The following L3MBTL2 variants were observed in gnomAD, a reference collection of about 807,000 sequenced individuals.
L3MBTL2 encodes the protein lethal(3)malignant brain tumor-like protein 2.
L3MBTL2 carries 49 observed loss-of-function variants against 86.4 expected under a neutral mutation model. The observed-to-expected ratio is 0.57, with a 90% CI of 0.45 to 0.72. The LOEUF (loss-of-function observed/expected upper bound fraction) is 0.72, where lower values mean the gene tolerates loss of function less well. Among genes scored for constraint, L3MBTL2 ranks in the 30% least tolerant of loss-of-function variants. The pLI is 0.00. For synonymous variants in L3MBTL2, 336 were observed against 350.6 expected (o/e 0.96, Z 0.47); for missense variants, 755 against 923.7 (o/e 0.82, Z 2.37).
At chr22:41,221,415 G>C in intron 8 of L3MBTL2, 128 bp downstream of exon 8, 1 of 815,676 alleles carries the variant, frequency 1.2e-6, no homozygotes, top group Non-Finnish European at 2.0e-6. Flanking sequence ...TCCACATTTT[G>C]CAAGGCTAGA....
In L3MBTL2 at chr22:41,224,676, C is replaced by A; in HGVS notation, c.1175-49C>A. The A allele has an allele frequency of 6.9e-7, 1 of 1,442,860 alleles. No individual in the cohort carries two copies. Among genetic ancestry groups the A allele is most frequent in the South Asian group, 1.1e-5 (1 of 87,178 alleles). 89.4% of individuals were successfully genotyped at this position (1,442,860 alleles called of 1,614,324 possible). A position where few individuals can be genotyped will look rare whatever the true frequency, so the allele number is the denominator to read the frequency against. On this transcript the variant is annotated intron_variant, in intron 9 of 16. Transcript: ENST00000216237. This position sits in a 1 kb window ranked among gnomAD's most constrained non-coding sequence, Gnocchi z 4.9. ...AGGCGTGTGGAGATGGCCCAGGAGC[C>A]GCCTCCAACTCCCTTCTCTCCCTCA...
In L3MBTL2 at chr22:41,213,363, T is replaced by C. The variant is rs555229321; in HGVS notation, c.263-530T>C. Reference sequence around the variant, plus strand: ...TTTTTGAGACAGTGTCTTACTTTGTTGCCCAGGCTAGAGGTACAGTGGTGC... The same window carrying C: ...TTTTTGAGACAGTGTCTTACTTTGTCGCCCAGGCTAGAGGTACAGTGGTGC... On this transcript the variant is annotated intron_variant, in intron 2 of 16. Transcript: ENST00000216237. Among the ~76,000 whole-genome samples, 5 of 148,536 alleles carry C rather than the reference T, an allele frequency of 3.4e-5. No homozygotes were observed. In the East Asian group the frequency reaches 7.7e-4, roughly 23 times the overall value.
intron 8 of L3MBTL2, chr22:41,221,509 C>G (rs994994246): frequency 5.4e-6 from 3 of 554,912 alleles, no homozygotes; most frequent in Non-Finnish European, 6.5e-6. Flanking sequence ...GCTCCTACTG[C>G]TCCAGTCATG....
rs2145607182 is a variant in L3MBTL2 at position 41,224,468 on chromosome 22, A to G, written c.1174+217A>G. Among the ~76,000 whole-genome samples, 1 of 152,312 alleles carries G rather than the reference A, an allele frequency of 6.6e-6. No individual in the cohort carries two copies. Among genetic ancestry groups the G allele is most frequent in the South Asian group, 2.1e-4 (1 of 4,830 alleles). The stretch of plus-strand genomic sequence containing the variant: ...TCAAGATTTGAACCCAGATGCTACC[A>G]GCCCCGATCCTCTCCCCTGTCAATG... On this transcript the variant is annotated intron_variant, in intron 9 of 16. Coordinates refer to ENST00000216237, the MANE Select transcript of L3MBTL2 (RefSeq NM_031488.5). The surrounding 1 kb of genome is among the most constrained non-coding windows in gnomAD (Gnocchi z 4.9).
intron 1 of L3MBTL2, 45 bp from the exon 2 acceptor site, chr22:41,209,651 G>A (rs2030551976): frequency 2.5e-6 from 4 of 1,573,718 alleles, no homozygotes; most frequent in Non-Finnish European, 3.5e-6. Flanking sequence ...GTGCACTAAA[G>A]CCAATCATAA....
At chr22:41,219,565 G>T (rs1286512609) in intron 6 of L3MBTL2, 29 bp downstream of exon 6, 1 of 1,423,502 alleles carries the variant, frequency 7.0e-7, no homozygotes, top group Non-Finnish European at 9.9e-7. Context: ...CAGGGCCAGG[G>T]ATGTGTCTGC....
In L3MBTL2 at chr22:41,205,445, G is replaced by A; in HGVS notation, c.24+59G>A. The A allele has an allele frequency of 6.2e-6, 10 of 1,603,150 alleles. No homozygotes were observed. The South Asian group carries it at 1.1e-4, about 18-fold the overall frequency. ...GGGAACTCCGAGAGCCTCGCTCCGT[G>A]GGCCCTTCTTTAGGGCTTTTAGCGA... On this transcript the variant is annotated intron_variant, in intron 1 of 16. Transcript: ENST00000216237.
intron 8 of L3MBTL2, among the ~76,000 whole-genome samples, chr22:41,222,238 A>G (rs2031876913): frequency 6.6e-6 from 1 of 152,204 alleles, no homozygotes; most frequent in Non-Finnish European, 1.5e-5. Flanking sequence ...TGGGAATACA[A>G]AGAATACAGA....
intron 8 of L3MBTL2, among the ~76,000 whole-genome samples, chr22:41,222,706 G>A (rs1486585405): frequency 6.6e-6 from 1 of 152,050 alleles, no homozygotes; most frequent in East Asian, 1.9e-4. Flanking sequence ...GATCACCTGA[G>A]GGCAGGAGTT....
At chr22:41,221,108 T>C in intron 7 of L3MBTL2, 91 bp from the exon 8 acceptor site, 1 of 1,196,884 alleles carries the variant, frequency 8.4e-7, no homozygotes, top group Admixed American at 2.4e-5. Flanking sequence ...TCCCCACTGC[T>C]GAGGGGTCCC....
chr22:41,214,801 A>C (rs1288673691), intron 3 of L3MBTL2: 1 of 152,240 alleles, frequency 6.6e-6, no homozygotes. Flanking sequence ...TCACGAGGTC[A>C]GGAGATCGAG....
At chr22:41,220,900 C>G (rs1388473812) in intron 7 of L3MBTL2, 32 bp downstream of exon 7, 14 of 1,597,250 alleles carry the variant, frequency 8.8e-6, no homozygotes, top group African/African-American at 1.3e-5. Flanking sequence ...CTCTCTTGTT[C>G]CCGTAGGGCC....
At position 41,212,259 on chromosome 22, in the gene L3MBTL2, A is replaced by G. The variant is rs539790650; in HGVS notation, c.263-1634A>G. 5.9e-5 allele frequency among the ~76,000 whole-genome samples: 9 copies of G among 152,066 alleles called. No individual in the cohort carries two copies. In the South Asian group the frequency reaches 1.9e-3, roughly 32 times the overall value. On this transcript the variant is annotated intron_variant, in intron 2 of 16. Transcript: ENST00000216237. ...CCAGCCCTTCTCTTAGAATCTTAGG[A>G]TTTAGAACTAGAAGGAACCATTAGA... is the stretch of plus-strand genomic sequence containing the variant.
Position 41,227,030 on chromosome 22 carries a change from C to T in L3MBTL2, c.1588-59C>T. 6.8e-7 allele frequency: 1 copy of T among 1,471,450 alleles called. No individual in the cohort carries two copies. The highest frequency in any genetic ancestry group is 1.2e-5 in the South Asian group (1 of 82,372). 91.1% of individuals were successfully genotyped at this position (1,471,450 alleles called of 1,614,324 possible). On this transcript the variant is annotated intron_variant, in intron 13 of 16. Coordinates refer to ENST00000216237, the MANE Select transcript of L3MBTL2 (RefSeq NM_031488.5). The surrounding 1 kb of genome is among the most constrained non-coding windows in gnomAD (Gnocchi z 6.0). ...TTCTTCAAGTGCCTCCGGGCCGGGGCAAGCCTGCTGGGGTAGGGAGCTGAC... is the reference window on the plus strand; with the variant it reads ...TTCTTCAAGTGCCTCCGGGCCGGGGTAAGCCTGCTGGGGTAGGGAGCTGAC...
intron 2 of L3MBTL2, 175 bp from the exon 3 acceptor site, chr22:41,213,718 G>A (rs2031109241): frequency 3.1e-6 from 2 of 645,284 alleles, no homozygotes; most frequent in Admixed American, 5.2e-5. Context: ...ACTTCATTCA[G>A]GTAGATTCAG....
chr22:41,225,969 G>C lies in L3MBTL2; in HGVS notation c.1504+28G>C. 1 of 1,610,332 alleles carries C rather than the reference G, an allele frequency of 6.2e-7. No homozygotes were observed. Among genetic ancestry groups the C allele is most frequent in the East Asian group, 2.2e-5 (1 of 44,822 alleles). On this transcript the variant is annotated intron_variant, in intron 12 of 16. Transcript: ENST00000216237. The surrounding 1 kb of genome is among the most constrained non-coding windows in gnomAD (Gnocchi z 4.1). ...AAGACTAGAGAGGCCACCACCTGCT[G>C]TCCTTGCCATCAGAAGGGGCAGGGT...
At chr22:41,206,553 C>A (rs922505454) in intron 1 of L3MBTL2, among the ~76,000 whole-genome samples, 2 of 151,996 alleles carry the variant, frequency 1.3e-5, no homozygotes, top group African/African-American at 4.8e-5. Context: ...AATCCCAGCA[C>A]TTTGGGAGGC....
At chr22:41,230,030 A>C (rs1450445031) in intron 16 of L3MBTL2, 109 bp from the exon 17 acceptor site, 1 of 797,452 alleles carries the variant, frequency 1.3e-6, no homozygotes, top group Admixed American at 2.3e-5. Context: ...GTGAAGGTGC[A>C]TCCTAGGCCC....
Position 41,227,697 on chromosome 22 carries a change from G to C in L3MBTL2, c.1823-107G>C. On this transcript the variant is annotated intron_variant, in intron 14 of 16. Transcript: ENST00000216237. This position sits in a 1 kb window ranked among gnomAD's most constrained non-coding sequence, Gnocchi z 6.0. ...TTGCCCAGGTTTGGCTTCCTGTCTTGGGGTGTCTCGTGTGGGAGGGTGGAT... is the reference window on the plus strand; with the variant it reads ...TTGCCCAGGTTTGGCTTCCTGTCTTCGGGTGTCTCGTGTGGGAGGGTGGAT... 1 of 1,595,678 alleles carries C rather than the reference G, an allele frequency of 6.3e-7. No individual in the cohort carries two copies. The highest frequency in any genetic ancestry group is 8.5e-7 in the Non-Finnish European group (1 of 1,170,360).
Sources: allele counts gnomAD v4.1 joint callset (sites outside exome capture counted in the v4.1 genomes callset), GRCh38; gene constraint gnomAD v4.1.1; non-coding constraint Gnocchi (gnomAD v3.1); transcripts MANE v1.5; gene names NCBI Gene and HGNC (gene_info 2026-07-23, HGNC 2026-07-21).